The following ADGRL3 variants were observed in gnomAD, a reference collection of about 807,000 sequenced individuals.
The protein encoded by ADGRL3 is calcium-independent alpha-latrotoxin receptor 3.
In ADGRL3, 62 loss-of-function variants were observed where a neutral mutation model predicts 153.5. The ratio of observed to expected loss-of-function variants is 0.40; its 90% CI spans 0.33 to 0.50. ADGRL3 has a LOEUF of 0.50. Ranked by LOEUF, ADGRL3 falls within the 20% of genes least tolerant of loss-of-function variation. The pLI, the probability that ADGRL3 is intolerant of heterozygous loss-of-function variation, is 0.47. For synonymous variants in ADGRL3, 710 were observed against 672.5 expected (o/e 1.06, Z -0.86); for missense variants, 1,641 against 1,859.4 (o/e 0.88, Z 2.16).
At chr4:61,465,763 A>ATATATATATATATC (rs1200676474) in intron 2 of ADGRL3, among the ~76,000 whole-genome samples, 3 of 145,664 alleles carry the variant, frequency 2.1e-5, no homozygotes, top group Non-Finnish European at 3.0e-5. Flanking sequence ...ATATAAATAT[A>ATATATATATATATC]TATATATATA....
At chr4:61,686,943 G>A (rs915399685) in intron 6 of ADGRL3, among the ~76,000 whole-genome samples, 2 of 151,786 alleles carry the variant, frequency 1.3e-5, no homozygotes, top group African/African-American at 4.8e-5. Context: ...TGTCCTCCAG[G>A]TTCATCCATA....
intron 1 of ADGRL3, among the ~76,000 whole-genome samples, chr4:61,236,480 G>C (rs1339327172): frequency 6.6e-6 from 1 of 151,626 alleles, no homozygotes. Context: ...TTTATTTTTT[G>C]GTATTAGATG....
chr4:62,049,279 A>T (rs931435716), intron 25 of ADGRL3, among the ~76,000 whole-genome samples: 1 of 152,098 alleles, frequency 6.6e-6, no homozygotes, highest in Non-Finnish European at 1.5e-5. Flanking sequence ...ATTAGAAAAA[A>T]GGGCATTTTG....
Position 62,077,290 on chromosome 4 carries a change from G to A in ADGRL3, c.*6382G>A, listed in dbSNP as rs1280027351. On this transcript the variant is annotated 3_prime_UTR_variant, in exon 27 of 27. Coordinates refer to ENST00000683033, the MANE Select transcript of ADGRL3 (RefSeq NM_001387552.1). ...CTCCACTCTTTGATCTACAGACAAG[G>A]TTACAAAAGATTTACAATTAGTCCA... 6.6e-6 allele frequency: 1 copy of A among 151,872 alleles called. No homozygotes were observed. Among genetic ancestry groups the A allele is most frequent in the South Asian group, 2.1e-4 (1 of 4,832 alleles). The allele number at this position is 151,872 out of a possible 1,614,324, so 9.4% of individuals were successfully genotyped here.
At chr4:61,206,965 A>C (rs1331391649) in intron 1 of ADGRL3, among the ~76,000 whole-genome samples, 4 of 151,998 alleles carry the variant, frequency 2.6e-5, no homozygotes, top group Non-Finnish European at 5.9e-5. Context: ...CCTGGTCCAC[A>C]GACCAAGACT....
At chr4:61,819,268 A>G (rs1189953623) in intron 9 of ADGRL3, among the ~76,000 whole-genome samples, 2 of 152,148 alleles carry the variant, frequency 1.3e-5, no homozygotes, top group Admixed American at 1.3e-4. Context: ...AATATGACAA[A>G]TTACGTTCTT....
At chr4:61,324,612 T>G (rs1167739954) in intron 1 of ADGRL3, among the ~76,000 whole-genome samples, 9 of 152,222 alleles carry the variant, frequency 5.9e-5, no homozygotes, top group Admixed American at 5.9e-4. Context: ...TAATTTTTAT[T>G]GTTGAAAATG....
Position 62,071,694 on chromosome 4 carries a change from C to T in ADGRL3, c.*786C>T, listed in dbSNP as rs1409791637. 2.4e-6 allele frequency: 1 copy of T among 423,364 alleles called. No individual in the cohort carries two copies. The highest frequency in any genetic ancestry group is 1.8e-5 in the South Asian group (1 of 56,550). 26.2% of individuals were successfully genotyped at this position (423,364 alleles called of 1,614,324 possible). A position where few individuals can be genotyped will look rare whatever the true frequency, so the allele number is the denominator to read the frequency against. On this transcript the variant is annotated 3_prime_UTR_variant, in exon 27 of 27. Coordinates refer to ENST00000683033, the MANE Select transcript of ADGRL3 (RefSeq NM_001387552.1). ...GTGCTGGTCTTGCAAGTTTGTCTAC[C>T]AGTAAGAGAGCAAAGTTTCCTTCCT...
intron 1 of ADGRL3, among the ~76,000 whole-genome samples, chr4:61,333,198 C>T (rs2095608618): frequency 6.6e-6 from 1 of 152,002 alleles, no homozygotes; most frequent in South Asian, 2.1e-4. Context: ...AAGATTTTAA[C>T]TGTGGTGTAC....
chr4:61,466,187 T>A lies in ADGRL3; in HGVS notation c.-173-30934T>A, dbSNP rs914353709. Among the ~76,000 whole-genome samples the A allele has an allele frequency of 9.2e-5, 14 of 152,168 alleles. 1 individual carries two copies. Among genetic ancestry groups the A allele is most frequent in the Admixed American group, 4.6e-4 (7 of 15,268 alleles). ...CCAACTCACTTTTAATGTGAAAACT[T>A]GAGAGTATTTTAAAGTTGATAGTAA... On this transcript the variant is annotated intron_variant, in intron 2 of 26. Coordinates refer to ENST00000683033, the MANE Select transcript of ADGRL3 (RefSeq NM_001387552.1).
intron 6 of ADGRL3, among the ~76,000 whole-genome samples, chr4:61,727,700 A>G (rs906083315): frequency 6.6e-6 from 1 of 152,114 alleles, no homozygotes; most frequent in South Asian, 2.1e-4. Context: ...CCAGTTTTAT[A>G]TTTAATGGGT....
chr4:62,045,540 T>C (rs530619367), intron 25 of ADGRL3, among the ~76,000 whole-genome samples: 1 of 152,034 alleles, frequency 6.6e-6, no homozygotes. Context: ...AATGTAATAA[T>C]TATGGCTTAT....
chr4:61,327,870 A>C (rs2150905539), intron 1 of ADGRL3, among the ~76,000 whole-genome samples: 1 of 152,258 alleles, frequency 6.6e-6, no homozygotes, highest in South Asian at 2.1e-4. Context: ...GATGTTCAGT[A>C]GTTTTAAAGA....
intron 5 of ADGRL3, among the ~76,000 whole-genome samples, chr4:61,603,061 C>T (rs1459946243): frequency 2.0e-5 from 3 of 152,036 alleles, no homozygotes; most frequent in African/African-American, 4.8e-5. Flanking sequence ...CAATAATATT[C>T]GTAGATTTTT....
chr4:61,901,015 AC>A (rs2098661675), intron 11 of ADGRL3, among the ~76,000 whole-genome samples: 1 of 152,140 alleles, frequency 6.6e-6, no homozygotes, highest in Admixed American at 6.6e-5. Context: ...TATTTTGCAT[AC>A]TTTTAAAGAA....
chr4:61,955,341 CATA>C (rs1266094408), intron 17 of ADGRL3, among the ~76,000 whole-genome samples: 2 of 151,980 alleles, frequency 1.3e-5, no homozygotes, highest in Non-Finnish European at 2.9e-5. Context: ...AACTTTAGAA[CATA>C]ATAACTTAAA....
intron 9 of ADGRL3, among the ~76,000 whole-genome samples, chr4:61,869,713 C>T (rs1264746069): frequency 1.3e-5 from 2 of 151,154 alleles, no homozygotes; most frequent in South Asian, 2.1e-4. Flanking sequence ...CTGAGGCGGG[C>T]GGATCACCTG....
Position 62,078,274 on chromosome 4 carries a change from CT to C in ADGRL3, c.*7367del, listed in dbSNP as rs1272422964. 1 of 151,648 alleles carries C rather than the reference CT, an allele frequency of 6.6e-6. No individual in the cohort carries two copies. Among genetic ancestry groups the C allele is most frequent in the African/African-American group, 2.4e-5 (1 of 41,354 alleles). 9.4% of individuals were successfully genotyped at this position (151,648 alleles called of 1,614,324 possible). A position where few individuals can be genotyped will look rare whatever the true frequency, so the allele number is the denominator to read the frequency against. On this transcript the variant is annotated 3_prime_UTR_variant, in exon 27 of 27. Transcript: ENST00000683033. ...CATCCTTTTTTTTTCCTTAAATGCT[CT>C]GTACAATCACATGTAAAGTCATGAG...
intron 5 of ADGRL3, among the ~76,000 whole-genome samples, chr4:61,619,513 A>C (rs986877951): frequency 1.7e-5 from 1 of 60,536 alleles, no homozygotes; most frequent in East Asian, 3.1e-4. Context: ...GGAGAATGTG[A>C]GATACACACA....
Sources: allele counts gnomAD v4.1 joint callset (sites outside exome capture counted in the v4.1 genomes callset), GRCh38; gene constraint gnomAD v4.1.1; transcripts MANE v1.5; gene names NCBI Gene and HGNC (gene_info 2026-07-23, HGNC 2026-07-21).